Variants in PRICKLE2 observed in about 807,000 individuals in gnomAD.
PRICKLE2 encodes prickle planar cell polarity protein 2.
PRICKLE2 carries 21 observed loss-of-function variants against 81.4 expected under a neutral mutation model. The observed-to-expected ratio is 0.26, with a 90% CI of 0.18 to 0.37. PRICKLE2 has a LOEUF of 0.37. PRICKLE2 is among the 10% of genes least tolerant of loss of function. PRICKLE2 has a pLI of 1.00. For missense variants in PRICKLE2, 940 were observed against 1,109.0 expected (o/e 0.85, Z 2.16); for synonymous variants, 456 against 421.5 (o/e 1.08, Z -1.00).
chr3:64,197,842 A>AC lies in PRICKLE2; in HGVS notation c.144+941_144+942insG, dbSNP rs1449902117. Among the ~76,000 whole-genome samples, 6 of 152,160 alleles carry AC rather than the reference A, an allele frequency of 3.9e-5. No homozygotes were observed. In the East Asian group the frequency reaches 9.6e-4, roughly 24 times the overall value. On this transcript the variant is annotated intron_variant, in intron 2 of 7. Transcript: ENST00000638394. ...TGACAAACTTGCACATGTACCCATG[A>AC]ACTGAAAATAAAGTTAAAAAAAAAA...
At chr3:64,159,908 A>G (rs1252383068) in intron 4 of PRICKLE2, 32 bp downstream of exon 4, 6 of 1,613,624 alleles carry the variant, frequency 3.7e-6, no homozygotes, top group Non-Finnish European at 5.1e-6. Context: ...TGCCAGAACA[A>G]TGCCTCTTCA....
intron 1 of PRICKLE2, among the ~76,000 whole-genome samples, chr3:64,222,212 C>T (rs1349792855): frequency 6.6e-6 from 1 of 152,130 alleles, no homozygotes; most frequent in Non-Finnish European, 1.5e-5. Flanking sequence ...AGAGGTCAGG[C>T]AACTCTCCTG....
intron 2 of PRICKLE2, among the ~76,000 whole-genome samples, chr3:64,192,422 C>G (rs2078360134): frequency 6.6e-6 from 1 of 152,132 alleles, no homozygotes. Context: ...GTGTTAATAA[C>G]AAAAATTGCA....
chr3:64,248,289 T>C (rs561405739), intron 2 of PRICKLE2, among the ~76,000 whole-genome samples: 1 of 152,306 alleles, frequency 6.6e-6, no homozygotes, highest in South Asian at 2.1e-4. Context: ...GGAAAGCATT[T>C]AATAAGGGGC....
chr3:64,164,775 TCTGAAGAGAGCCCA>T (rs1468271845), intron 2 of PRICKLE2, among the ~76,000 whole-genome samples: 1 of 152,168 alleles, frequency 6.6e-6, no homozygotes, highest in Non-Finnish European at 1.5e-5. Context: ...GATGCCGGGT[TCTGAAGAGAGCCCA>T]CTGTTGACCA....
intron 2 of PRICKLE2, 103 bp from the exon 3 acceptor site, chr3:64,163,232 C>T: frequency 1.3e-6 from 1 of 787,826 alleles, no homozygotes; most frequent in Middle Eastern, 3.5e-4. Flanking sequence ...TAACTGACTT[C>T]TGCAGTCCTG....
Position 64,098,469 on chromosome 3 carries a change from T to C in PRICKLE2, c.*582A>G, listed in dbSNP as rs886058796. ...CTCACTGACATGTAACAAATTTGTA[T>C]AGAAAAAAAAAAAAAAAAAAAAAAG... On this transcript the variant is annotated 3_prime_UTR_variant, in exon 8 of 8. Transcript: ENST00000638394. 2.8e-5 allele frequency: 1 copy of C among 36,348 alleles called. No individual in the cohort carries two copies. The highest frequency in any genetic ancestry group is 1.0e-4 in the African/African-American group (1 of 10,008). 2.3% of individuals were successfully genotyped at this position (36,348 alleles called of 1,614,324 possible).
intron 1 of PRICKLE2, among the ~76,000 whole-genome samples, chr3:64,223,757 C>A (rs1372296611): frequency 6.6e-6 from 1 of 152,196 alleles, no homozygotes; most frequent in Non-Finnish European, 1.5e-5. Flanking sequence ...TACTCTGGAG[C>A]CCTTGGGGAC....
chr3:64,197,551 G>A (rs1406186796), intron 2 of PRICKLE2, among the ~76,000 whole-genome samples: 2 of 152,090 alleles, frequency 1.3e-5, no homozygotes, highest in Non-Finnish European at 1.5e-5. Context: ...ATATCCTTTG[G>A]AGGAACATGC....
chr3:64,226,534 C>A (rs1437859771), upstream of PRICKLE2, among the ~76,000 whole-genome samples: 1 of 152,212 alleles, frequency 6.6e-6, no homozygotes, highest in Non-Finnish European at 1.5e-5. Flanking sequence ...GGTATAAACA[C>A]AGTCTCTGCT....
At chr3:64,237,294 C>T (rs888748708) in intron 2 of PRICKLE2, among the ~76,000 whole-genome samples, 1 of 152,056 alleles carries the variant, frequency 6.6e-6, no homozygotes, top group Non-Finnish European at 1.5e-5. Context: ...TGTCTGGCAT[C>T]CAGCAGGAAT....
Position 64,210,176 on chromosome 3 carries a change from C to G in PRICKLE2, c.-40-11209G>C, listed in dbSNP as rs553699123. The stretch of plus-strand genomic sequence containing the variant: ...GTGGGTGTAGGAAACTTCGCGTCCT[C>G]CCTAACCCGTTTCTCCTTGGAATTT... On this transcript the variant is annotated intron_variant, in intron 1 of 7. Transcript: ENST00000638394. Among the ~76,000 whole-genome samples the G allele has an allele frequency of 4.7e-4, 72 of 152,212 alleles. 1 individual carries two copies. In the East Asian group the frequency reaches 0.011, roughly 23 times the overall value.
intron 7 of PRICKLE2, among the ~76,000 whole-genome samples, chr3:64,127,689 G>C (rs1474490729): frequency 1.3e-5 from 2 of 151,784 alleles, no homozygotes; most frequent in Non-Finnish European, 2.9e-5. Context: ...CCATCTCAGG[G>C]CATCCTCAGC....
intron 2 of PRICKLE2, among the ~76,000 whole-genome samples, chr3:64,235,166 T>C (rs1053470260): frequency 2.0e-5 from 3 of 152,220 alleles, no homozygotes; most frequent in African/African-American, 7.2e-5. Flanking sequence ...TGAACCCCTC[T>C]AGTCAATTTT....
intron 2 of PRICKLE2, among the ~76,000 whole-genome samples, chr3:64,193,646 C>T (rs1253035171): frequency 3.3e-5 from 5 of 152,210 alleles, no homozygotes; most frequent in Middle Eastern, 6.8e-3. Flanking sequence ...TGGCTGTGTC[C>T]CCACCCAAAT....
At chr3:64,167,986 A>G (rs1423589871) in intron 2 of PRICKLE2, among the ~76,000 whole-genome samples, 1 of 152,096 alleles carries the variant, frequency 6.6e-6, no homozygotes, top group Non-Finnish European at 1.5e-5. Context: ...TAGGATTCCC[A>G]CTTTCTTCAA....
intron 2 of PRICKLE2, among the ~76,000 whole-genome samples, chr3:64,243,906 A>G (rs2079307388): frequency 6.6e-6 from 1 of 152,156 alleles, no homozygotes; most frequent in South Asian, 2.1e-4. Context: ...CCCCAATAAA[A>G]TGGTATCTGT....
intron 7 of PRICKLE2, among the ~76,000 whole-genome samples, chr3:64,143,986 G>A (rs1418582498): frequency 6.7e-6 from 1 of 149,686 alleles, no homozygotes; most frequent in African/African-American, 2.5e-5. Flanking sequence ...ACATGGGGAT[G>A]AGGATATCTA....
intron 7 of PRICKLE2, among the ~76,000 whole-genome samples, chr3:64,123,117 T>A (rs1262042845): frequency 6.6e-6 from 1 of 152,164 alleles, no homozygotes; most frequent in Non-Finnish European, 1.5e-5. Context: ...GATCCAGCCA[T>A]TAGAAGGACC....
Sources: allele counts gnomAD v4.1 joint callset (sites outside exome capture counted in the v4.1 genomes callset), GRCh38; gene constraint gnomAD v4.1.1; transcripts MANE v1.5; gene names NCBI Gene and HGNC (gene_info 2026-07-23, HGNC 2026-07-21).